The following ATG3 variants were observed in gnomAD, a reference collection of about 807,000 sequenced individuals.
ATG3 encodes autophagy related 3, also known as ubiquitin-like-conjugating enzyme ATG3.
A neutral mutation model predicts 50.7 loss-of-function variants in ATG3; 25 were observed. The observed-to-expected ratio is 0.49, with a 90% confidence interval of 0.36 to 0.69. The LOEUF (loss-of-function observed/expected upper bound fraction) is 0.69. Ranked by LOEUF, ATG3 falls within the 30% of genes least tolerant of loss-of-function variation. ATG3 has a pLI of 0.00. For synonymous variants in ATG3, 119 were observed against 125.5 expected (o/e 0.95, Z 0.34); for missense variants, 281 against 376.0 (o/e 0.75, Z 2.09).
At chr3:112,545,505 T>C (rs1218771138) in intron 5 of ATG3, among the ~76,000 whole-genome samples, 5 of 152,158 alleles carry the variant, frequency 3.3e-5, no homozygotes, top group African/African-American at 4.8e-5. Context: ...ACAAAATAAA[T>C]AGCTCACTTT....
chr3:112,535,403 A>G (rs1002688881), intron 10 of ATG3: 17 of 152,204 alleles, frequency 1.1e-4, no homozygotes, highest in African/African-American at 3.9e-4. Context: ...AATGTTTAAC[A>G]TAATTACCAG....
chr3:112,547,552 C>T (rs1173155921), intron 5 of ATG3, among the ~76,000 whole-genome samples: 2 of 152,188 alleles, frequency 1.3e-5, no homozygotes, highest in African/African-American at 4.8e-5. Context: ...TAGTTAGCTT[C>T]AGCAGCATAT....
intron 6 of ATG3, among the ~76,000 whole-genome samples, chr3:112,542,825 G>A (rs2952327): frequency 0.23 from 34,136 of 151,514 alleles, 7,011 homozygotes; most frequent in African/African-American, 0.54. Flanking sequence ...CCATAAGCCC[G>A]TCCAAGAAAA....
At chr3:112,551,226 G>T (rs143270664) in intron 3 of ATG3, among the ~76,000 whole-genome samples, 2 of 152,128 alleles carry the variant, frequency 1.3e-5, no homozygotes, top group Non-Finnish European at 2.9e-5. Flanking sequence ...CATAGATCTG[G>T]GCACAAGGTA....
chr3:112,537,753 C>G lies in ATG3; in HGVS notation c.648G>C (p.Trp216Cys). The G allele has an allele frequency of 6.3e-7, 1 of 1,582,680 alleles. No individual in the cohort carries two copies. Among genetic ancestry groups the G allele is most frequent in the Non-Finnish European group, 8.6e-7 (1 of 1,168,682 alleles). Reference protein sequence around the residue: ...YDKYYQTPRLWLFGYDEQRQP... With the variant: ...YDKYYQTPRLCLFGYDEQRQP... ...TTTTTACCTCATCATAGCCAAACAA[C>G]CATAATCGTGGAGTCTGGTAATATT... Residue 216 changes from tryptophan (W) to cysteine (C), a missense_variant, in exon 9 of 12, where the codon TGG becomes TGC. This residue lies in a region of ATG3 where 242 missense variants were observed against 305.0 expected (regional missense o/e 0.79). Coordinates refer to ENST00000283290, the MANE Select transcript of ATG3 (RefSeq NM_022488.5).
intron 11 of ATG3, 75 bp downstream of exon 11, chr3:112,534,193 AG>A (rs1320339061): frequency 6.5e-7 from 1 of 1,548,312 alleles, no homozygotes. Flanking sequence ...TGTATCATTA[AG>A]GTTACACTAA....
intron 1 of ATG3, among the ~76,000 whole-genome samples, chr3:112,558,839 C>G (rs146190222): frequency 2.0e-5 from 3 of 151,756 alleles, no homozygotes; most frequent in African/African-American, 7.3e-5. Flanking sequence ...CGGGTTCAAG[C>G]GATTCTCCTG....
Position 112,542,421 on chromosome 3 carries a change from A to T in ATG3, c.394-537T>A, listed in dbSNP as rs540780816. ...TATATTAGCTCTAAAGTGAAAGAATATTGATGGACAGGTTTAACATCTGGG... is the reference window on the plus strand; with the variant it reads ...TATATTAGCTCTAAAGTGAAAGAATTTTGATGGACAGGTTTAACATCTGGG... On this transcript the variant is annotated intron_variant, in intron 6 of 11. Transcript: ENST00000283290. 8.5e-5 allele frequency among the ~76,000 whole-genome samples: 13 copies of T among 152,260 alleles called. No homozygotes were observed. The South Asian group carries it at 2.7e-3, about 32-fold the overall frequency.
At chr3:112,554,609 A>G (rs549605187) in intron 2 of ATG3, among the ~76,000 whole-genome samples, 1 of 152,366 alleles carries the variant, frequency 6.6e-6, no homozygotes, top group Admixed American at 6.5e-5. Flanking sequence ...TGGTCTCTAC[A>G]CATGGACGCA....
chr3:112,534,401 A>G, intron 10 of ATG3, 64 bp from the exon 11 acceptor site: 5 of 1,354,810 alleles, frequency 3.7e-6, no homozygotes, highest in South Asian at 1.6e-5. Flanking sequence ...AGAAAAACAT[A>G]TTTTCATTTG....
intron 7 of ATG3, among the ~76,000 whole-genome samples, chr3:112,539,856 T>C (rs900468861): frequency 6.6e-6 from 1 of 152,238 alleles, no homozygotes; most frequent in South Asian, 2.1e-4. Flanking sequence ...GACTATCAGA[T>C]ATTTAAGGCA....
chr3:112,548,475 A>G lies in ATG3; in HGVS notation c.343+58T>C, dbSNP rs558384441. 3.8e-5 allele frequency: 53 copies of G among 1,383,330 alleles called. No homozygotes were observed. The African/African-American group carries it at 6.8e-4, about 18-fold the overall frequency. The allele number at this position is 1,383,330 out of a possible 1,614,324, so 85.7% of individuals were successfully genotyped here. A position where few individuals can be genotyped will look rare whatever the true frequency, so the allele number is the denominator to read the frequency against. ...TCTTTTTTAAATCAAGGCTATTATA[A>G]AAGATTGTGAAAGAGTTTAATTTAA... is the stretch of plus-strand genomic sequence containing the variant. On this transcript the variant is annotated intron_variant, in intron 5 of 11. Coordinates refer to ENST00000283290, the MANE Select transcript of ATG3 (RefSeq NM_022488.5).
intron 11 of ATG3, 61 bp from the exon 12 acceptor site, chr3:112,532,841 T>C: frequency 6.8e-7 from 1 of 1,478,296 alleles, no homozygotes; most frequent in Non-Finnish European, 9.0e-7. Flanking sequence ...TAAGCCCATG[T>C]TGTAATTATC....
intron 3 of ATG3, among the ~76,000 whole-genome samples, chr3:112,551,766 T>G (rs1933534974): frequency 6.6e-6 from 1 of 152,032 alleles, no homozygotes; most frequent in African/African-American, 2.4e-5. Flanking sequence ...ACATATAAAT[T>G]ATAGACCAGA....
intron 4 of ATG3, 120 bp from the exon 5 acceptor site, chr3:112,548,760 AT>A: frequency 1.3e-6 from 1 of 763,482 alleles, no homozygotes; most frequent in Non-Finnish European, 2.2e-6. Context: ...TACTAAGTGA[AT>A]ATTTCACTTT....
intron 9 of ATG3, among the ~76,000 whole-genome samples, chr3:112,536,972 A>G (rs965249950): frequency 2.7e-5 from 4 of 147,546 alleles, no homozygotes; most frequent in African/African-American, 7.6e-5. Flanking sequence ...AGAAATTACT[A>G]TTTAGAAACT....
At chr3:112,555,667 A>C (rs1422909196) in intron 2 of ATG3, among the ~76,000 whole-genome samples, 2 of 152,202 alleles carry the variant, frequency 1.3e-5, no homozygotes, top group African/African-American at 4.8e-5. Flanking sequence ...CAAATGAACA[A>C]ATCAACTCAG....
intron 8 of ATG3, 91 bp downstream of exon 8, chr3:112,538,055 T>G: frequency 8.0e-7 from 1 of 1,245,908 alleles, no homozygotes. Context: ...CAAATTAGAA[T>G]GTCTTTGAAA....
chr3:112,558,419 T>TA lies in ATG3; in HGVS notation c.73-3dup, dbSNP rs752210817. The TA allele has an allele frequency of 2.2e-5, 35 of 1,594,294 alleles. No homozygotes were observed. Among genetic ancestry groups the TA allele is most frequent in the African/African-American group, 2.7e-5 (2 of 74,420 alleles). On this transcript the variant is annotated splice_region_variant and splice_polypyrimidine_tract_variant and intron_variant, in intron 1 of 11. Transcript: ENST00000283290. ...ACCTGTTTCCTTAAACTTTGATTCCTAAAAAAAGCAGAAAGAAAAACAATA... is the reference window on the plus strand; with the variant it reads ...ACCTGTTTCCTTAAACTTTGATTCCTAAAAAAAAGCAGAAAGAAAAACAATA...
Sources: allele counts gnomAD v4.1 joint callset (sites outside exome capture counted in the v4.1 genomes callset), GRCh38; gene constraint gnomAD v4.1.1; regional missense constraint gnomAD v4.1.1; transcripts MANE v1.5; gene names NCBI Gene and HGNC (gene_info 2026-07-23, HGNC 2026-07-21).